PTPRT: variants seen among roughly 807,000 people sequenced by gnomAD.
PTPRT encodes receptor-type tyrosine-protein phosphatase T.
In PTPRT, 56 loss-of-function variants were observed where a neutral mutation model predicts 176.8. The observed-to-expected ratio is 0.32, with a 90% CI of 0.26 to 0.40. PTPRT has a LOEUF of 0.40. Among genes scored for constraint, PTPRT ranks in the 10% least tolerant of loss-of-function variants. The pLI, the probability that PTPRT is intolerant of heterozygous loss-of-function variation, is 1.00. For missense variants in PTPRT, 1,540 were observed against 1,908.2 expected, an observed-to-expected ratio of 0.81 and a Z score of 3.60; for synonymous variants, 783 against 739.0, an observed-to-expected ratio of 1.06 and a Z score of -0.96.
At chr20:42,346,463 G>A (rs1480702649) in intron 11 of PTPRT, among the ~76,000 whole-genome samples, 1 of 152,200 alleles carries the variant, frequency 6.6e-6, no homozygotes, top group African/African-American at 2.4e-5. Flanking sequence ...GATCTTTTAA[G>A]CAATTCTGGG....
chr20:42,834,463 C>T (rs1323519444), intron 2 of PTPRT, among the ~76,000 whole-genome samples: 1 of 151,998 alleles, frequency 6.6e-6, no homozygotes, highest in Non-Finnish European at 1.5e-5. Context: ...ATTGACAGTT[C>T]CTTATGAAGT....
chr20:42,118,467 C>T lies in PTPRT; in HGVS notation c.2918G>A (p.Arg973Lys). 6.2e-7 allele frequency: 1 copy of T among 1,612,950 alleles called. No homozygotes were observed. The highest frequency in any genetic ancestry group is 8.5e-7 in the Non-Finnish European group (1 of 1,179,398). The change falls in exon 21 of 31, where the codon AGA (arginine) becomes AAA (lysine). Residue 973 changes from arginine to lysine, a missense_variant. Arg to Lys is a conservative substitution (Grantham distance 26, BLOSUM62 2). Transcript: ENST00000373187. ...PMQETVKDFW[R>K]MIWQENSASI... ...GGCGGAGTTCTCCTGCCAGATCATT[C>T]TCCAAAAGTCCTTTACAGTCTCCTG...
chr20:42,345,425 C>CAT (rs529632218), intron 11 of PTPRT, among the ~76,000 whole-genome samples: 4 of 146,544 alleles, frequency 2.7e-5, no homozygotes, highest in South Asian at 2.1e-4. Context: ...TATAGATATA[C>CAT]ATATATATAT....
In PTPRT at chr20:42,827,839, C is replaced by T. The variant is rs533862485; in HGVS notation, c.215-36373G>A. Among the ~76,000 whole-genome samples the T allele has an allele frequency of 8.9e-4, 135 of 152,266 alleles. 1 individual carries two copies. The highest frequency in any genetic ancestry group is 3.0e-3 in the African/African-American group (123 of 41,548). On this transcript the variant is annotated intron_variant, in intron 2 of 30. Coordinates refer to ENST00000373187, the MANE Select transcript of PTPRT (RefSeq NM_007050.6). Reference sequence around the variant, plus strand: ...AAAAGGACATGTTTGCTTCCCCTTCCGCCATTATTATAAGTTTCCTGAGGC... The same window carrying T: ...AAAAGGACATGTTTGCTTCCCCTTCTGCCATTATTATAAGTTTCCTGAGGC...
At chr20:42,413,353 C>T (rs2059034902) in intron 9 of PTPRT, among the ~76,000 whole-genome samples, 1 of 152,132 alleles carries the variant, frequency 6.6e-6, no homozygotes, top group African/African-American at 2.4e-5. Context: ...AGAGTATTTT[C>T]ATTCCTTTAA....
intron 7 of PTPRT, among the ~76,000 whole-genome samples, chr20:42,651,891 A>G (rs1361967747): frequency 6.6e-6 from 1 of 151,754 alleles, no homozygotes; most frequent in African/African-American, 2.4e-5. Flanking sequence ...TACTAAAACT[A>G]AAAAAAATTA....
At position 42,217,420 on chromosome 20, in the gene PTPRT, CACACAG is replaced by C. The variant is rs1321888020; in HGVS notation, c.2343-18038_2343-18033del. 2.4e-3 allele frequency among the ~76,000 whole-genome samples: 215 copies of C among 89,698 alleles called. 4 individuals carry two copies. Among genetic ancestry groups the C allele is most frequent in the African/African-American group, 0.012 (195 of 16,612 alleles). The allele number at this position is 89,698 out of a possible 152,430, so 58.8% of individuals were successfully genotyped here. On this transcript the variant is annotated intron_variant, in intron 15 of 30. Transcript: ENST00000373187. ...ACACACACACACACACACACACACA[CACACAG>C]AACATTACGTCCATCCCCCACTCCA...
intron 1 of PTPRT, among the ~76,000 whole-genome samples, chr20:43,058,889 C>T (rs902344245): frequency 6.6e-6 from 1 of 152,156 alleles, no homozygotes; most frequent in Non-Finnish European, 1.5e-5. Flanking sequence ...TCTTTGCAGC[C>T]ACTGCGGCCC....
At chr20:42,119,417 T>C (rs376224328) in intron 20 of PTPRT, among the ~76,000 whole-genome samples, 1 of 152,346 alleles carries the variant, frequency 6.6e-6, no homozygotes, top group South Asian at 2.1e-4. Flanking sequence ...CTTATATGCG[T>C]CATTGTCTAT....
At chr20:42,045,121 AC>A in the PTPRT span, among the ~76,000 whole-genome samples, 1 of 152,196 alleles carries the variant, frequency 6.6e-6, no homozygotes, top group Non-Finnish European at 1.5e-5. Context: ...CTGATTAGCA[AC>A]CTTAATTCCA....
At chr20:42,933,074 T>A (rs1449980808) in intron 1 of PTPRT, among the ~76,000 whole-genome samples, 1 of 152,148 alleles carries the variant, frequency 6.6e-6, no homozygotes, top group African/African-American at 2.4e-5. Context: ...TAATCTTTAA[T>A]CTGGCCCTCA....
At chr20:42,929,106 GT>G (rs1979667625) in intron 1 of PTPRT, among the ~76,000 whole-genome samples, 1 of 152,244 alleles carries the variant, frequency 6.6e-6, no homozygotes, top group African/African-American at 2.4e-5. Context: ...CCAGAAGGAA[GT>G]TCGGACACAT....
chr20:43,093,047 T>G (rs2011951668), intron 1 of PTPRT, among the ~76,000 whole-genome samples: 1 of 152,238 alleles, frequency 6.6e-6, no homozygotes, highest in Non-Finnish European at 1.5e-5. Context: ...TAATAGTGTA[T>G]GCCCTTGGTT....
chr20:42,843,814 A>T (rs1026834136), intron 2 of PTPRT, among the ~76,000 whole-genome samples: 6 of 152,206 alleles, frequency 3.9e-5, no homozygotes, highest in Non-Finnish European at 8.8e-5. Flanking sequence ...GTAAGACTTG[A>T]CCTCATGTCA....
At chr20:42,772,904 T>C (rs76748184) in intron 4 of PTPRT, among the ~76,000 whole-genome samples, 3,877 of 152,332 alleles carry the variant, frequency 0.025, 166 homozygotes, top group African/African-American at 0.087. Flanking sequence ...GCAGACACTA[T>C]TATGATTTCC....
At chr20:42,788,518 A>C (rs1391825887) in intron 3 of PTPRT, among the ~76,000 whole-genome samples, 1 of 152,132 alleles carries the variant, frequency 6.6e-6, no homozygotes, top group Non-Finnish European at 1.5e-5. Context: ...GGAAAAGCAA[A>C]GGAAACGTGG....
chr20:43,166,530 TC>T (rs2014863738), intron 1 of PTPRT, among the ~76,000 whole-genome samples: 2 of 152,224 alleles, frequency 1.3e-5, no homozygotes, highest in Non-Finnish European at 2.9e-5. Context: ...CATTTTATTT[TC>T]CTTTCACAAG....
At chr20:42,550,303 A>G (rs1360543674) in intron 7 of PTPRT, among the ~76,000 whole-genome samples, 1 of 152,130 alleles carries the variant, frequency 6.6e-6, no homozygotes, top group Non-Finnish European at 1.5e-5. Flanking sequence ...TCACTAGCAA[A>G]TGAAAATAAC....
At chr20:42,092,273 G>C (rs573792752) in intron 27 of PTPRT, among the ~76,000 whole-genome samples, 3 of 152,306 alleles carry the variant, frequency 2.0e-5, no homozygotes, top group East Asian at 1.9e-4. Flanking sequence ...ATATCTCTCC[G>C]ACTAAAGCCT....
Sources: gnomAD v4.1 joint callset for allele counts (sites outside exome capture counted in the v4.1 genomes callset) on GRCh38, gnomAD v4.1.1 for gene constraint, MANE v1.5 for transcripts, NCBI Gene and HGNC (gene_info 2026-07-23, HGNC 2026-07-21) for gene names.